The following LRRC4C variants were observed in gnomAD, a reference collection of about 807,000 sequenced individuals.
The protein encoded by LRRC4C is leucine-rich repeat-containing protein 4C.
LRRC4C carries 5 observed loss-of-function variants against 33.6 expected under a neutral mutation model. That is an observed-to-expected ratio of 0.15 (90% CI 0.08 to 0.31). The LOEUF (loss-of-function observed/expected upper bound fraction) is 0.31, where lower values mean the gene tolerates loss of function less well. LRRC4C is among the 10% of genes least tolerant of loss of function. LRRC4C has a pLI of 1.00. For missense variants in LRRC4C, 560 were observed against 796.7 expected, an observed-to-expected ratio of 0.70 and a Z score of 3.58; for synonymous variants, 329 against 302.0, an observed-to-expected ratio of 1.09 and a Z score of -0.93.
intron 4 of LRRC4C, among the ~76,000 whole-genome samples, chr11:40,295,884 C>T (rs1944487197): frequency 1.3e-5 from 2 of 152,250 alleles, no homozygotes; most frequent in South Asian, 4.1e-4. Flanking sequence ...GAAGCTCTTA[C>T]CCTTATATGC....
rs954745556 is a variant in LRRC4C, at chr11:41,458,485, A to G, written c.-496+946T>C. Among the ~76,000 whole-genome samples the G allele has an allele frequency of 4.1e-5, 6 of 146,960 alleles. 1 individual carries two copies. The highest frequency in any genetic ancestry group is 4.2e-4 in the East Asian group (2 of 4,780). Reference sequence around the variant, plus strand: ...AATGATATTTTGCTTTAATTAAATAACTTTGGGATTGAAACAGGTAAAATA... The same window carrying G: ...AATGATATTTTGCTTTAATTAAATAGCTTTGGGATTGAAACAGGTAAAATA... On this transcript the variant is annotated intron_variant, in intron 1 of 6. Coordinates refer to ENST00000528697, the MANE Select transcript of LRRC4C (RefSeq NM_001258419.2).
chr11:40,213,297 T>G (rs1001902765), intron 5 of LRRC4C, among the ~76,000 whole-genome samples: 2 of 152,154 alleles, frequency 1.3e-5, no homozygotes, highest in African/African-American at 4.8e-5. Context: ...TTCTTCTTCA[T>G]GTAAGGGCAA....
intron 2 of LRRC4C, among the ~76,000 whole-genome samples, chr11:40,929,647 C>A (rs1957533319): frequency 6.6e-6 from 1 of 152,038 alleles, no homozygotes; most frequent in Non-Finnish European, 1.5e-5. Flanking sequence ...CAGAGTCTCG[C>A]TCTGTCGCCC....
At chr11:40,381,325 T>C (rs1165574112) in intron 3 of LRRC4C, among the ~76,000 whole-genome samples, 2 of 152,124 alleles carry the variant, frequency 1.3e-5, no homozygotes, top group Non-Finnish European at 1.5e-5. Context: ...ACCCATTATA[T>C]TGGCCATTAA....
At chr11:40,795,073 T>C (rs947324226) in intron 2 of LRRC4C, among the ~76,000 whole-genome samples, 3 of 152,204 alleles carry the variant, frequency 2.0e-5, no homozygotes, top group Admixed American at 6.5e-5. Context: ...TTTCTCATCA[T>C]GATCTCCTTT....
chr11:41,227,038 A>C (rs1353237691), intron 1 of LRRC4C, among the ~76,000 whole-genome samples: 1 of 151,926 alleles, frequency 6.6e-6, no homozygotes. Context: ...ATTCATCAAT[A>C]ACCTCCTAAC....
chr11:40,501,206 C>T lies in LRRC4C; in HGVS notation c.-270+146936G>A, dbSNP rs1954753804. 2.0e-5 allele frequency among the ~76,000 whole-genome samples: 3 copies of T among 152,212 alleles called. 1 individual carries two copies. The highest frequency in any genetic ancestry group is 4.2e-4 in the South Asian group (2 of 4,810). ...GCCCCTGTGGCTTTGCAGGATAAAG[C>T]CCCCCACCTGGCTGCTTTCACAAGC... On this transcript the variant is annotated intron_variant, in intron 3 of 6. Coordinates refer to ENST00000528697, the MANE Select transcript of LRRC4C (RefSeq NM_001258419.2).
chr11:40,851,339 G>A (rs958556894), intron 2 of LRRC4C, among the ~76,000 whole-genome samples: 2 of 152,210 alleles, frequency 1.3e-5, no homozygotes, highest in Middle Eastern at 3.4e-3. Flanking sequence ...GGGTCAGAGA[G>A]CACTGTCCCT....
intron 1 of LRRC4C, among the ~76,000 whole-genome samples, chr11:41,125,545 T>C (rs953932570): frequency 6.6e-6 from 1 of 152,138 alleles, no homozygotes; most frequent in Non-Finnish European, 1.5e-5. Context: ...ATAATTATCA[T>C]ACAAAAACAT....
chr11:41,117,227 G>C (rs1449516982), intron 1 of LRRC4C, among the ~76,000 whole-genome samples: 2 of 152,138 alleles, frequency 1.3e-5, no homozygotes, highest in Admixed American at 6.6e-5. Flanking sequence ...GAACTACCCA[G>C]CTGAGCTCAG....
At chr11:40,246,184 G>T (rs1034116799) in intron 4 of LRRC4C, among the ~76,000 whole-genome samples, 1 of 151,930 alleles carries the variant, frequency 6.6e-6, no homozygotes, top group African/African-American at 2.4e-5. Context: ...ATGTTGGCCA[G>T]GCTGGTCTTG....
chr11:40,708,049 G>A (rs1946260351), intron 2 of LRRC4C, among the ~76,000 whole-genome samples: 1 of 152,088 alleles, frequency 6.6e-6, no homozygotes, highest in Admixed American at 6.5e-5. Flanking sequence ...TGTGGGATCG[G>A]TGGTGACATC....
intron 5 of LRRC4C, among the ~76,000 whole-genome samples, chr11:40,220,174 C>A (rs10501222): frequency 0.059 from 9,007 of 152,108 alleles, 874 homozygotes; most frequent in African/African-American, 0.2. Context: ...GAATGGTAAA[C>A]CTTTTGAGAC....
intron 1 of LRRC4C, among the ~76,000 whole-genome samples, chr11:41,311,869 A>G (rs577555060): frequency 5.9e-5 from 9 of 152,230 alleles, no homozygotes; most frequent in African/African-American, 1.7e-4. Context: ...ATTTCCCTGT[A>G]TTGTGACAAT....
intron 2 of LRRC4C, among the ~76,000 whole-genome samples, chr11:40,866,660 C>A (rs1954384000): frequency 6.6e-6 from 1 of 152,122 alleles, no homozygotes; most frequent in Non-Finnish European, 1.5e-5. Context: ...TACGTGAACT[C>A]TTTGAGCCTC....
chr11:41,299,914 A>G (rs1348733698), intron 1 of LRRC4C, among the ~76,000 whole-genome samples: 1 of 152,158 alleles, frequency 6.6e-6, no homozygotes, highest in Non-Finnish European at 1.5e-5. Flanking sequence ...TGGTTGATAT[A>G]TATAGGAAAG....
At chr11:40,665,657 C>A (rs1320986618) in intron 2 of LRRC4C, among the ~76,000 whole-genome samples, 2 of 151,702 alleles carry the variant, frequency 1.3e-5, no homozygotes, top group African/African-American at 4.8e-5. Flanking sequence ...AATAGAAAGT[C>A]ATTTATACTA....
chr11:40,796,648 T>TA (rs1273289306), intron 2 of LRRC4C, among the ~76,000 whole-genome samples: 2 of 137,718 alleles, frequency 1.5e-5, no homozygotes, highest in Non-Finnish European at 3.0e-5. Context: ...TTTTTTTTTT[T>TA]TTTTTTTTTT....
intron 3 of LRRC4C, among the ~76,000 whole-genome samples, chr11:40,463,745 T>C (rs1010074559): frequency 6.6e-6 from 1 of 152,090 alleles, no homozygotes; most frequent in African/African-American, 2.4e-5. Context: ...TAGCTTCTTT[T>C]GGGGAATCAT....
Sources: allele counts gnomAD v4.1 joint callset (sites outside exome capture counted in the v4.1 genomes callset), GRCh38; gene constraint gnomAD v4.1.1; transcripts MANE v1.5; gene names NCBI Gene and HGNC (gene_info 2026-07-23, HGNC 2026-07-21).